The following MECOM variants were observed in gnomAD, a reference collection of about 807,000 sequenced individuals.
MECOM encodes the protein MDS1 and EVI1 complex locus.
In MECOM, 13 loss-of-function variants were observed where a neutral mutation model predicts 116.3. That is an observed-to-expected ratio of 0.11 (90% CI 0.07 to 0.18). MECOM has a LOEUF of 0.18. Among genes scored for constraint, MECOM ranks in the 10% least tolerant of loss-of-function variants. The pLI, the probability that MECOM is intolerant of heterozygous loss-of-function variation, is 1.00. For missense variants in MECOM, 1,299 were observed against 1,509.0 expected (o/e 0.86, Z 2.31); for synonymous variants, 528 against 535.2 (o/e 0.99, Z 0.19).
In MECOM at chr3:169,485,388, A is replaced by G. The variant is rs546956471; in HGVS notation, c.38-103864T>C. ...GTGTTATATTAACCAATCACTTTGTAGTCAACAAAATAGTTTAAATGCAAA... is the reference window on the plus strand; with the variant it reads ...GTGTTATATTAACCAATCACTTTGTGGTCAACAAAATAGTTTAAATGCAAA... On this transcript the variant is annotated intron_variant, in intron 1 of 16. Coordinates refer to ENST00000651503, the MANE Select transcript of MECOM (RefSeq NM_004991.4). Among the ~76,000 whole-genome samples, 27 of 152,340 alleles carry G rather than the reference A, an allele frequency of 1.8e-4. 1 individual carries two copies. In the South Asian group the frequency reaches 5.4e-3, roughly 30 times the overall value.
In MECOM at chr3:169,229,869, A is replaced by G. The variant is rs564853452; in HGVS notation, c.376-86037T>C. Among the ~76,000 whole-genome samples the G allele has an allele frequency of 3.3e-5, 5 of 152,292 alleles. No individual in the cohort carries two copies. In the South Asian group the frequency reaches 1.0e-3, roughly 32 times the overall value. ...CAGCTACAATGTTTTTTCATGTCATAATATAATGTGGGTAAAAAATACTTG... is the reference window on the plus strand; with the variant it reads ...CAGCTACAATGTTTTTTCATGTCATGATATAATGTGGGTAAAAAATACTTG... On this transcript the variant is annotated intron_variant, in intron 2 of 16. Transcript: ENST00000651503.
Position 169,121,105 on chromosome 3 carries a change from C to T in MECOM, c.1083G>A (p.Ser361=), listed in dbSNP as rs1222480414. 5 of 1,613,554 alleles carry T rather than the reference C, an allele frequency of 3.1e-6. No homozygotes were observed. The highest frequency in any genetic ancestry group is 4.2e-6 in the Non-Finnish European group (5 of 1,179,756). The part of the protein sequence containing the change: ...PECGKTFATS[S]GLKQHKHIHS... ...GGATGTGCTTGTGTTGTTTGAGGCCCGACGAAGTGGCAAACGTTTTGCCAC... is the reference window on the plus strand; with the variant it reads ...GGATGTGCTTGTGTTGTTTGAGGCCTGACGAAGTGGCAAACGTTTTGCCAC... Residue 361 remains serine (S), a synonymous_variant, in exon 7 of 17, where the codon TCG becomes TCA. Transcript: ENST00000651503.
rs565209832 is a variant in MECOM, at chr3:169,485,988, T to C, written c.38-104464A>G. On this transcript the variant is annotated intron_variant, in intron 1 of 16. Coordinates refer to ENST00000651503, the MANE Select transcript of MECOM (RefSeq NM_004991.4). ...ACTATATATACATATATATATAGTA[T>C]ATATATGTATATATATACTATATAT... Among the ~76,000 whole-genome samples the C allele has an allele frequency of 4.1e-4, 40 of 98,578 alleles. 3 individuals are homozygous for C. The East Asian group carries it at 6.8e-3, about 17-fold the overall frequency. The allele number at this position is 98,578 out of a possible 152,430, so 64.7% of individuals were successfully genotyped here.
chr3:169,595,056 T>A (rs993854848), intron 1 of MECOM, among the ~76,000 whole-genome samples: 1 of 152,140 alleles, frequency 6.6e-6, no homozygotes, highest in Admixed American at 6.5e-5. Context: ...AATAAAATGG[T>A]GAATTTTCTT....
chr3:169,299,170 A>G (rs1047043802), intron 2 of MECOM, among the ~76,000 whole-genome samples: 2 of 152,096 alleles, frequency 1.3e-5, no homozygotes, highest in Non-Finnish European at 2.9e-5. Flanking sequence ...GACAATTTCC[A>G]CCTATAGTCA....
chr3:169,398,656 ATCT>A (rs1386411324), intron 1 of MECOM, among the ~76,000 whole-genome samples: 1 of 152,150 alleles, frequency 6.6e-6, no homozygotes, highest in African/African-American at 2.4e-5. Context: ...CAGCCTTCTG[ATCT>A]TCTCCATTCT....
chr3:169,279,255 C>A (rs1255888492), intron 2 of MECOM, among the ~76,000 whole-genome samples: 1 of 152,210 alleles, frequency 6.6e-6, no homozygotes, highest in Non-Finnish European at 1.5e-5. Context: ...CTCAATCTTT[C>A]TTGAGGTTTG....
At chr3:169,597,576 T>A (rs1256216443) in intron 1 of MECOM, among the ~76,000 whole-genome samples, 1 of 152,178 alleles carries the variant, frequency 6.6e-6, no homozygotes, top group Non-Finnish European at 1.5e-5. Flanking sequence ...AAAAATCATG[T>A]TGGGTTTTTT....
intron 1 of MECOM, among the ~76,000 whole-genome samples, chr3:169,563,399 T>C (rs16854098): frequency 0.051 from 7,779 of 152,308 alleles, 432 homozygotes; most frequent in East Asian, 0.32. Context: ...TAAATCCACA[T>C]AATAGAAAAC....
At chr3:169,305,921 C>T (rs951349533) in intron 2 of MECOM, among the ~76,000 whole-genome samples, 1 of 151,908 alleles carries the variant, frequency 6.6e-6, no homozygotes, top group Non-Finnish European at 1.5e-5. Context: ...GGGAATGTCT[C>T]TCCACCTAGA....
At chr3:169,445,946 C>T (rs1198978697) in intron 1 of MECOM, among the ~76,000 whole-genome samples, 1 of 152,176 alleles carries the variant, frequency 6.6e-6, no homozygotes, top group Non-Finnish European at 1.5e-5. Context: ...TGGCCAGTTT[C>T]TCCCATTTGG....
At chr3:169,121,710 C>T (rs1369617528) in intron 6 of MECOM, among the ~76,000 whole-genome samples, 3 of 151,922 alleles carry the variant, frequency 2.0e-5, no homozygotes, top group African/African-American at 7.3e-5. Flanking sequence ...AGACATTGTA[C>T]TAAAAACAAA....
At chr3:169,280,284 C>T (rs1711651096) in intron 2 of MECOM, among the ~76,000 whole-genome samples, 1 of 152,166 alleles carries the variant, frequency 6.6e-6, no homozygotes, top group African/African-American at 2.4e-5. Context: ...CTTTAACAAT[C>T]TTTTTGTGAA....
At chr3:169,328,435 A>G (rs1430406053) in intron 2 of MECOM, among the ~76,000 whole-genome samples, 2 of 152,176 alleles carry the variant, frequency 1.3e-5, no homozygotes, top group Non-Finnish European at 1.5e-5. Context: ...GAAATGAAAA[A>G]CCCAGAACTC....
Position 169,320,107 on chromosome 3 carries a change from C to T in MECOM, c.375+61080G>A, listed in dbSNP as rs150379999. Among the ~76,000 whole-genome samples the T allele has an allele frequency of 4.1e-3, 627 of 152,154 alleles. 3 individuals are homozygous for T. Among genetic ancestry groups the T allele is most frequent in the African/African-American group, 0.014 (597 of 41,482 alleles). On this transcript the variant is annotated intron_variant, in intron 2 of 16. Transcript: ENST00000651503. ...ATGGATGTAGACAATCCTTTTAAGA[C>T]GTGTGACGATGAAGGGAAGGAGAGA...
intron 1 of MECOM, chr3:169,389,476 T>C (rs1733901188): frequency 8.3e-6 from 6 of 723,580 alleles, no homozygotes; most frequent in Non-Finnish European, 1.0e-5. Context: ...ATCAGATAGA[T>C]AGTTTTTCTT....
chr3:169,530,871 C>A (rs1382283613), intron 1 of MECOM, among the ~76,000 whole-genome samples: 3 of 151,244 alleles, frequency 2.0e-5, no homozygotes, highest in Non-Finnish European at 4.4e-5. Context: ...ATATTACCTA[C>A]CATTTATTGA....
intron 1 of MECOM, among the ~76,000 whole-genome samples, chr3:169,401,705 G>C (rs1308303861): frequency 6.6e-6 from 1 of 151,994 alleles, no homozygotes; most frequent in Non-Finnish European, 1.5e-5. Flanking sequence ...CCAGAGAAAA[G>C]ATGAGGGAAA....
chr3:169,263,936 A>G (rs1577512274), intron 2 of MECOM, among the ~76,000 whole-genome samples: 1 of 151,504 alleles, frequency 6.6e-6, no homozygotes, highest in Non-Finnish European at 1.5e-5. Context: ...TCCACAAGGA[A>G]AAAAAAAACC....
Sources: allele counts gnomAD v4.1 joint callset (sites outside exome capture counted in the v4.1 genomes callset), GRCh38; gene constraint gnomAD v4.1.1; transcripts MANE v1.5; gene names NCBI Gene and HGNC (gene_info 2026-07-23, HGNC 2026-07-21).